The following IL18BP variants were observed in gnomAD, a reference collection of about 807,000 sequenced individuals.
IL18BP encodes interleukin-18-binding protein.
IL18BP carries 23 observed loss-of-function variants against 19.9 expected under a neutral mutation model. The observed-to-expected ratio is 1.15, with a 90% CI of 0.83 to 1.64. The LOEUF is 1.64. IL18BP is among the 40% of genes most tolerant of loss of function. The pLI, the probability that IL18BP is intolerant of heterozygous loss-of-function variation, is 0.00. For missense variants in IL18BP, 239 were observed against 240.7 expected, an observed-to-expected ratio of 0.99 and a Z score of 0.05; for synonymous variants, 107 against 101.0, an observed-to-expected ratio of 1.06 and a Z score of -0.35.
downstream of IL18BP, chr11:72,006,266 G>A: frequency 6.2e-7 from 1 of 1,613,324 alleles, no homozygotes; most frequent in Non-Finnish European, 8.5e-7. Context: ...TCTAGCTTCT[G>A]GAAGACAGAG....
downstream of IL18BP, chr11:72,003,270 T>C: frequency 1.9e-6 from 1 of 528,506 alleles, no homozygotes; most frequent in South Asian, 2.6e-5. Context: ...AGAAGTGACT[T>C]TGCTTTAAGA....
rs772045456 is a variant in IL18BP at position 72,001,800 on chromosome 11, C to T, written c.524C>T (p.Thr175Ile). Reference sequence around the variant, plus strand: ...CTTCCCTAGGCTGGGCTGAGGGCAACCTTGCCCCCCACCCAAGAAGCCCTG... The same window carrying T: ...CTTCCCTAGGCTGGGCTGAGGGCAATCTTGCCCCCCACCCAAGAAGCCCTG... ...LAQLWAGLRATLPPTQEALPS... is the reference protein window; with the variant it reads ...LAQLWAGLRAILPPTQEALPS... Residue 175 changes from threonine to isoleucine, a missense_variant, in exon 6 of 6, where the codon ACC becomes ATC. Thr to Ile is a moderately conservative substitution (Grantham distance 89). Coordinates refer to ENST00000393703, the MANE Select transcript of IL18BP (RefSeq NM_001039660.2). 6 of 1,613,998 alleles carry T rather than the reference C, an allele frequency of 3.7e-6. No homozygotes were observed. Among genetic ancestry groups the T allele is most frequent in the African/African-American group, 2.7e-5 (2 of 74,906 alleles).
chr11:72,000,894 T>TC (rs1173496761), intron 3 of IL18BP, among the ~76,000 whole-genome samples: 2 of 152,174 alleles, frequency 1.3e-5, no homozygotes, highest in Admixed American at 6.5e-5. Context: ...CAGCACTGCC[T>TC]TTGTCACCTG....
chr11:72,005,378 G>T, downstream of IL18BP: 1 of 1,602,448 alleles, frequency 6.2e-7, no homozygotes, highest in Non-Finnish European at 8.5e-7. Flanking sequence ...TCCTGTGGAA[G>T]GCAGGGAAGT....
downstream of IL18BP, chr11:72,005,388 TGG>T: frequency 6.2e-7 from 1 of 1,600,174 alleles, no homozygotes. Context: ...GGCAGGGAAG[TGG>T]GAACAAATGA....
At position 72,002,403 on chromosome 11, in the gene IL18BP, T is replaced by G. The variant is rs1211139155; in HGVS notation, c.*542T>G. The G allele has an allele frequency of 1.3e-4, 2 of 15,342 alleles. No individual in the cohort carries two copies. Among genetic ancestry groups the G allele is most frequent in the African/African-American group, 3.8e-4 (2 of 5,268 alleles). 1.0% of individuals were successfully genotyped at this position (15,342 alleles called of 1,614,324 possible). On this transcript the variant is annotated 3_prime_UTR_variant, in exon 6 of 6. Coordinates refer to ENST00000393703, the MANE Select transcript of IL18BP (RefSeq NM_001039660.2). ...AGACTTCCTATCTTCGTGCTGTATG[T>G]TTTTTTTTTCCCCCTTCACTCTAAT...
At chr11:72,005,052 A>C (rs2155146), downstream of IL18BP, among the ~76,000 whole-genome samples, 140,600 of 152,174 alleles carry the variant, frequency 0.92, 65,231 homozygotes, top group Non-Finnish European at 0.98. Flanking sequence ...TGCCTACCCC[A>C]AGGGACTTCA....
intron 3 of IL18BP, 144 bp from the exon 4 acceptor site, chr11:72,001,057 C>T (rs867413137): frequency 3.3e-6 from 3 of 913,492 alleles, no homozygotes; most frequent in Non-Finnish European, 5.0e-6. Context: ...CTGTAACGGA[C>T]GTTCCCACCT....
At chr11:72,001,365 C>A in intron 4 of IL18BP, 40 bp from the exon 5 acceptor site, 1 of 1,614,234 alleles carries the variant, frequency 6.2e-7, no homozygotes, top group South Asian at 1.1e-5. Context: ...AGGAGGCCTT[C>A]TGCGGCCTTC....
chr11:72,003,627 C>T, downstream of IL18BP: 3 of 1,538,334 alleles, frequency 2.0e-6, no homozygotes, highest in Non-Finnish European at 2.7e-6. Flanking sequence ...TGCTCCCACG[C>T]CCCTGTCTGG....
intron 1 of IL18BP, 121 bp from the exon 2 acceptor site, chr11:71,999,800 CTCTGTT>C (rs1416060227): frequency 3.3e-5 from 20 of 613,244 alleles, no homozygotes; most frequent in Middle Eastern, 5.2e-4. Flanking sequence ...ACCCCCCCAG[CTCTGTT>C]TCTAAGTGCT....
chr11:72,004,386 A>C (rs769181979), downstream of IL18BP: 2 of 1,542,716 alleles, frequency 1.3e-6, no homozygotes, highest in African/African-American at 1.4e-5. Flanking sequence ...AAGAGGAGTC[A>C]CATCTGAAGC....
At chr11:72,006,292 G>A (rs770257497), downstream of IL18BP, 4 of 1,595,396 alleles carry the variant, frequency 2.5e-6, no homozygotes, top group Admixed American at 3.3e-5. Context: ...CTGTTGCAGT[G>A]TACAGTCCCT....
chr11:72,004,242 G>A (rs1262339176), downstream of IL18BP: 1 of 1,611,568 alleles, frequency 6.2e-7, no homozygotes, highest in Admixed American at 1.7e-5. Context: ...GTAGAAGCTG[G>A]AGCTGCTTTC....
downstream of IL18BP, chr11:72,007,464 G>A (rs779642389): frequency 6.2e-7 from 1 of 1,610,578 alleles, no homozygotes; most frequent in South Asian, 1.1e-5. Flanking sequence ...CTGAGGTACA[G>A]TCCTTCACGC....
downstream of IL18BP, chr11:72,004,331 G>A: frequency 1.9e-6 from 3 of 1,612,756 alleles, no homozygotes; most frequent in Admixed American, 1.7e-5. Context: ...ACAGCTGGTG[G>A]CCTTCTTAGA....
In IL18BP at chr11:72,000,552, C is replaced by T. The variant is rs1188033216; in HGVS notation, c.230C>T (p.Pro77Leu). The T allele has an allele frequency of 6.2e-7, 1 of 1,609,852 alleles. No individual in the cohort carries two copies. The highest frequency in any genetic ancestry group is 1.1e-5 in the South Asian group (1 of 91,068). ...GTGACCTGGCCAGAGGTGGAAGTGC[C>T]ACTGAGTAAGAAGCACAGTGGTGGA... ...LEVTWPEVEV[P>L]LNGTLSLSCV... The change falls in exon 3 of 6, where the codon CCA (proline) becomes CTA (leucine). Residue 77 changes from proline to leucine, a missense_variant. By Grantham distance (98) the Pro-to-Leu change is moderately conservative (BLOSUM62 -3). Transcript: ENST00000393703.
downstream of IL18BP, chr11:72,003,366 C>G (rs923189488): frequency 9.0e-5 from 65 of 720,064 alleles, no homozygotes; most frequent in Admixed American, 1.3e-3. Context: ...CAGTGAAGGA[C>G]CAGGGACCAG....
At chr11:72,006,226 G>C (rs141331520), downstream of IL18BP, 6 of 1,614,074 alleles carry the variant, frequency 3.7e-6, no homozygotes, top group East Asian at 2.2e-5. Context: ...GCTGTAGAAC[G>C]ATGAGTTGGC....
Sources: allele counts gnomAD v4.1 joint callset (sites outside exome capture counted in the v4.1 genomes callset), GRCh38; gene constraint gnomAD v4.1.1; transcripts MANE v1.5; gene names NCBI Gene and HGNC (gene_info 2026-07-23, HGNC 2026-07-21).